The following APAF1 variants were observed in gnomAD, a reference collection of about 807,000 sequenced individuals.
APAF1 encodes apoptotic protease-activating factor 1.
Under a neutral mutation model 152.4 loss-of-function variants are expected in APAF1, and 91 were observed. The observed-to-expected ratio is 0.60, with a 90% CI of 0.50 to 0.71. The LOEUF (loss-of-function observed/expected upper bound fraction) is 0.71. APAF1 is among the 30% of genes least tolerant of loss of function. The pLI is 0.00. For synonymous variants in APAF1, 484 were observed against 494.1 expected, an observed-to-expected ratio of 0.98 and a Z score of 0.27; for missense variants, 1,283 against 1,472.0, an observed-to-expected ratio of 0.87 and a Z score of 2.10.
At chr12:98,715,395 T>C (rs1386744668) in intron 21 of APAF1, 32 bp from the exon 22 acceptor site, 2 of 1,608,050 alleles carry the variant, frequency 1.2e-6, no homozygotes, top group African/African-American at 2.7e-5. Context: ...GCTTAGTTTC[T>C]TCTTAATTTT....
chr12:98,713,310 C>G (rs566748755), intron 21 of APAF1, among the ~76,000 whole-genome samples: 1 of 152,316 alleles, frequency 6.6e-6, no homozygotes, highest in Admixed American at 6.5e-5. Flanking sequence ...ATATCAAATA[C>G]TATCTATCAA....
At chr12:98,683,024 A>T (rs763443228) in intron 14 of APAF1, 119 bp from the exon 15 acceptor site, 17 of 803,724 alleles carry the variant, frequency 2.1e-5, no homozygotes, top group Non-Finnish European at 3.5e-5. Flanking sequence ...TTGTCCAACT[A>T]GGAAAATCTG....
At chr12:98,657,265 C>T (rs2097658957) in intron 4 of APAF1, among the ~76,000 whole-genome samples, 1 of 152,236 alleles carries the variant, frequency 6.6e-6, no homozygotes, top group African/African-American at 2.4e-5. Context: ...TTCATACTAT[C>T]AGTCCTCTCC....
chr12:98,712,707 G>T, intron 21 of APAF1: 1 of 376,616 alleles, frequency 2.7e-6, no homozygotes, highest in Non-Finnish European at 4.9e-6. Context: ...TAGAGATGGG[G>T]TCCCCTGTGT....
At chr12:98,665,278 A>ATATATATTTTT (rs1491316422) in intron 7 of APAF1, among the ~76,000 whole-genome samples, 8 of 65,992 alleles carry the variant, frequency 1.2e-4, no homozygotes, top group African/African-American at 4.5e-4. Context: ...ATATATATAT[A>ATATATATTTTT]TTTTTTTTTT....
intron 16 of APAF1, among the ~76,000 whole-genome samples, chr12:98,697,695 C>G (rs1056772925): frequency 6.6e-6 from 1 of 152,116 alleles, no homozygotes; most frequent in Non-Finnish European, 1.5e-5. Flanking sequence ...AAGTCAGTAT[C>G]ATTGGTTGGT....
At chr12:98,649,322 T>C in intron 3 of APAF1, 165 bp from the exon 4 acceptor site, 2 of 829,456 alleles carry the variant, frequency 2.4e-6, no homozygotes, top group Non-Finnish European at 2.9e-6. Flanking sequence ...CTCTCTGTTG[T>C]CTGAGAAATC....
At chr12:98,712,141 G>C (rs2097728537) in intron 20 of APAF1, among the ~76,000 whole-genome samples, 178 bp from the exon 21 acceptor site, 1 of 152,206 alleles carries the variant, frequency 6.6e-6, no homozygotes, top group African/African-American at 2.4e-5. Context: ...GGATTGAAAT[G>C]AAAGTGTGAA....
intron 18 of APAF1, among the ~76,000 whole-genome samples, chr12:98,704,196 C>T (rs1344538932): frequency 6.6e-6 from 1 of 151,974 alleles, no homozygotes; most frequent in African/African-American, 2.4e-5. Context: ...AACTCTTGGC[C>T]TCAAGCAATA....
At position 98,667,602 on chromosome 12, in the gene APAF1, C is replaced by A. The variant is rs2097674684; in HGVS notation, c.1452C>A (p.Tyr484Ter). ...ATCAGGAAGACTGTATGTATTGGTA[C>A]AACTTTCTGGCCTATCACATGGCCA... The part of the protein sequence containing the change: ...SPDQEDCMYW[Y>*]NFLAYHMASA... Residue 484 changes from tyrosine (Y) to a stop codon, truncating the protein, a stop_gained, in exon 10 of 27, where the codon TAC (tyrosine) becomes TAA (stop). Transcript: ENST00000551964. LOFTEE classifies it high-confidence loss of function. 1.9e-6 allele frequency: 3 copies of A among 1,613,996 alleles called. No individual in the cohort carries two copies. The East Asian group carries it at 6.7e-5, about 36-fold the overall frequency.
chr12:98,653,222 A>C (rs1194919001), intron 4 of APAF1, among the ~76,000 whole-genome samples: 1 of 152,152 alleles, frequency 6.6e-6, no homozygotes. Flanking sequence ...GGAACATTGG[A>C]TTTTTGACAT....
rs2097691006 is a variant in APAF1 at position 98,680,358 on chromosome 12, G to A, written c.2002G>A (p.Asp668Asn). The A allele has an allele frequency of 6.2e-6, 10 of 1,613,782 alleles. No homozygotes were observed. In the Middle Eastern group the frequency reaches 1.2e-3, roughly 186 times the overall value. The change falls in exon 14 of 27, where the codon GAT (aspartate) becomes AAT (asparagine). Residue 668 changes from aspartate to asparagine, a missense_variant. By Grantham distance (23) the Asp-to-Asn change is conservative. Coordinates refer to ENST00000551964, the MANE Select transcript of APAF1 (RefSeq NM_181861.2). ...DEVLCCAFST[D>N]DRFIATCSVD... ...AGTGCTTTGTTGTGCATTCTCTACA[G>A]ATGACAGATTTATAGCAACCTGCTC...
chr12:98,672,551 C>A (rs1593048534), intron 12 of APAF1, among the ~76,000 whole-genome samples: 1 of 151,874 alleles, frequency 6.6e-6, no homozygotes, highest in East Asian at 1.9e-4. Flanking sequence ...GACCACTGAA[C>A]CCTGATTATT....
chr12:98,654,662 C>T (rs1304272584), intron 4 of APAF1, among the ~76,000 whole-genome samples: 1 of 152,082 alleles, frequency 6.6e-6, no homozygotes, highest in Non-Finnish European at 1.5e-5. Context: ...TCGCCTCGGC[C>T]TCCCAAAGTT....
chr12:98,660,863 CAAATTGGT>C (rs2097664156), intron 5 of APAF1, among the ~76,000 whole-genome samples: 1 of 152,162 alleles, frequency 6.6e-6, no homozygotes, highest in South Asian at 2.1e-4. Context: ...CAGTGATTCT[CAAATTGGT>C]AAGGGTATTA....
intron 26 of APAF1, among the ~76,000 whole-genome samples, chr12:98,727,831 C>G (rs1023855367): frequency 6.6e-6 from 1 of 151,784 alleles, no homozygotes. Flanking sequence ...ATCCCAGCTA[C>G]TTGGGAGGCT....
In APAF1 at chr12:98,666,333, A is replaced by G. The variant is rs376806366; in HGVS notation, c.1338A>G (p.Thr446=). ...YLHDLQVDFL[T]EKNCSQLQDL... is the part of the protein sequence containing the mutation. ...ATGATCTTCAAGTAGATTTTCTTACAGAGAAGAATTGCAGCCAGCTTCAGG... is the reference window on the plus strand; with the variant it reads ...ATGATCTTCAAGTAGATTTTCTTACGGAGAAGAATTGCAGCCAGCTTCAGG... Residue 446 remains threonine, a synonymous_variant, in exon 9 of 27, where the codon ACA becomes ACG. Transcript: ENST00000551964. 3.1e-6 allele frequency: 5 copies of G among 1,613,074 alleles called. No individual in the cohort carries two copies. In the African/African-American group the frequency reaches 6.7e-5, roughly 22 times the overall value.
chr12:98,730,873 CTATTTA>C (rs2097759973), intron 26 of APAF1, among the ~76,000 whole-genome samples: 1 of 152,106 alleles, frequency 6.6e-6, no homozygotes, highest in South Asian at 2.1e-4. Context: ...CAAATTATTC[CTATTTA>C]TAAGTGAAAA....
chr12:98,669,742 G>A (rs2097677702), intron 10 of APAF1, among the ~76,000 whole-genome samples: 1 of 152,106 alleles, frequency 6.6e-6, no homozygotes. Flanking sequence ...AATAGTATGT[G>A]CAGTTTAAAT....
Sources: gnomAD v4.1 joint callset for allele counts (sites outside exome capture counted in the v4.1 genomes callset) on GRCh38, gnomAD v4.1.1 for gene constraint, MANE v1.5 for transcripts, NCBI Gene and HGNC (gene_info 2026-07-23, HGNC 2026-07-21) for gene names.